ANKFN1: variants seen among roughly 807,000 people sequenced by gnomAD.
ANKFN1 encodes the protein ankyrin repeat and fibronectin type-III domain-containing protein 1.
In ANKFN1, 74 loss-of-function variants were observed where a neutral mutation model predicts 108.7. That is an observed-to-expected ratio of 0.68 (90% confidence interval 0.56 to 0.83). The LOEUF (loss-of-function observed/expected upper bound fraction) is 0.83, where lower values mean the gene tolerates loss of function less well. ANKFN1 is among the 40% of genes least tolerant of loss of function. The pLI, the probability that ANKFN1 is intolerant of heterozygous loss-of-function variation, is 0.00. For missense variants in ANKFN1, 1,505 were observed against 1,382.3 expected (o/e 1.09, Z -1.41); for synonymous variants, 547 against 516.2 (o/e 1.06, Z -0.81).
In ANKFN1 at chr17:56,061,265, C is replaced by CTTTTTTT. The variant is rs71137190; in HGVS notation, c.288+14957_288+14963dup. ...TCTGATTTCTCTGATGGTAGTTTTT[C>CTTTTTTT]TTTTTTTTTTTTTTTTTTTTTTTGA... On this transcript the variant is annotated intron_variant, in intron 4 of 12. Transcript: ENST00000635860. Among the ~76,000 whole-genome samples, 222 of 72,920 alleles carry CTTTTTTT rather than the reference C, an allele frequency of 3.0e-3. 10 individuals are homozygous for CTTTTTTT. The highest frequency in any genetic ancestry group is 0.026 in the Middle Eastern group (1 of 38). The allele number at this position is 72,920 out of a possible 152,430, so 47.8% of individuals were successfully genotyped here.
intron 1 of ANKFN1, among the ~76,000 whole-genome samples, chr17:56,203,023 A>G (rs1365100198): frequency 6.6e-6 from 1 of 152,130 alleles, no homozygotes. Flanking sequence ...TGGTATCTAA[A>G]CTTTCTGTAA....
intron 3 of ANKFN1, 106 bp downstream of exon 3, chr17:56,228,063 A>G: frequency 2.2e-6 from 2 of 910,110 alleles, no homozygotes; most frequent in Non-Finnish European, 1.7e-6. Flanking sequence ...TTTAAAGTCT[A>G]GCTCAGCACA....
chr17:56,460,535 C>T (rs1223381829), intron 14 of ANKFN1, among the ~76,000 whole-genome samples: 1 of 152,114 alleles, frequency 6.6e-6, no homozygotes. Context: ...CTTCCCCACA[C>T]TCTCCTTCAC....
In ANKFN1 at chr17:56,172,070, C is replaced by A. The variant is rs1910740035; in HGVS notation, c.-71+18540C>A. Among the ~76,000 whole-genome samples the A allele has an allele frequency of 1.3e-5, 2 of 152,150 alleles. 1 individual carries two copies. The highest frequency in any genetic ancestry group is 4.2e-4 in the South Asian group (2 of 4,818). On this transcript the variant is annotated intron_variant, in intron 1 of 20. Coordinates refer to ENST00000682825, the MANE Select transcript of ANKFN1 (RefSeq NM_001370326.1). Reference sequence around the variant, plus strand: ...AGGCTTACCATGTTCTTGTTATATACATGAATGACTAATATAGTTTATTTT... The same window carrying A: ...AGGCTTACCATGTTCTTGTTATATAAATGAATGACTAATATAGTTTATTTT...
At chr17:56,137,747 G>A (rs1907681437) in intron 4 of ANKFN1, among the ~76,000 whole-genome samples, 1 of 152,076 alleles carries the variant, frequency 6.6e-6, no homozygotes, top group South Asian at 2.1e-4. Flanking sequence ...GCCAGATAGT[G>A]TTTAAGGATG....
At chr17:56,306,997 A>C (rs2144406806) in intron 3 of ANKFN1, among the ~76,000 whole-genome samples, 1 of 152,352 alleles carries the variant, frequency 6.6e-6, no homozygotes, top group East Asian at 1.9e-4. Context: ...CTATTTAATA[A>C]ATGGTGCTGG....
intron 4 of ANKFN1, among the ~76,000 whole-genome samples, chr17:56,336,821 A>AT (rs1244489677): frequency 3.9e-5 from 6 of 152,004 alleles, no homozygotes. Flanking sequence ...TAGGGTGTCG[A>AT]TTTTAGATCT....
At position 56,085,256 on chromosome 17, in the gene ANKFN1, A is replaced by G. The variant is rs983196735; in HGVS notation, c.288+38931A>G. Among the ~76,000 whole-genome samples, 11 of 149,860 alleles carry G rather than the reference A, an allele frequency of 7.3e-5. 2 individuals are homozygous for G. The highest frequency in any genetic ancestry group is 2.7e-4 in the African/African-American group (11 of 40,594). On this transcript the variant is annotated intron_variant, in intron 4 of 12. Transcript: ENST00000635860. ...CCTGTGAATGTGACCTTATTTGAAA[A>G]AAGGCTCTTTGCAGATATAACTAAG...
At chr17:56,358,870 G>A (rs1457382436) in intron 6 of ANKFN1, among the ~76,000 whole-genome samples, 3 of 152,024 alleles carry the variant, frequency 2.0e-5, no homozygotes, top group Non-Finnish European at 4.4e-5. Flanking sequence ...GTATATAAAA[G>A]CCCCCAGTCA....
At position 56,510,562 on chromosome 17, in the gene ANKFN1, A is replaced by C. The variant is rs1480712711; in HGVS notation, c.2734A>C (p.Arg912=). The stretch of plus-strand genomic sequence containing the variant: ...CGACTCCAGCGATGCCCTGAGCCCC[A>C]GAGACCTGGACCTGGTCTACCTATC... The part of the protein sequence containing the change: ...DYDSSDALSP[R]DLDLVYLSSH... Residue 912 remains arginine (R), a synonymous_variant, in exon 21 of 21, where the codon AGA becomes CGA. Transcript: ENST00000682825. 1 of 1,536,126 alleles carries C rather than the reference A, an allele frequency of 6.5e-7. No individual in the cohort carries two copies. The highest frequency in any genetic ancestry group is 1.2e-5 in the South Asian group (1 of 84,064).
intron 4 of ANKFN1, among the ~76,000 whole-genome samples, chr17:56,146,485 G>C (rs376658278): frequency 1.3e-5 from 2 of 152,164 alleles, no homozygotes; most frequent in African/African-American, 4.8e-5. Context: ...GGACATCCAG[G>C]CATTTCCACC....
At chr17:56,327,270 A>G (rs2045544894) in intron 4 of ANKFN1, among the ~76,000 whole-genome samples, 1 of 151,990 alleles carries the variant, frequency 6.6e-6, no homozygotes, top group Admixed American at 6.6e-5. Context: ...CGCCCCCACC[A>G]GTCTCCTTAG....
At chr17:56,327,366 GA>G (rs1483124255) in intron 4 of ANKFN1, among the ~76,000 whole-genome samples, 1 of 152,034 alleles carries the variant, frequency 6.6e-6, no homozygotes, top group Non-Finnish European at 1.5e-5. Flanking sequence ...GTGTCATATA[GA>G]GTTTAATGTC....
intron 4 of ANKFN1, among the ~76,000 whole-genome samples, chr17:56,080,222 T>C (rs1397341093): frequency 6.6e-6 from 1 of 152,218 alleles, no homozygotes; most frequent in African/African-American, 2.4e-5. Flanking sequence ...AGAGAGCAAT[T>C]AACAGTACCT....
At chr17:56,071,782 AT>A (rs1905123806) in intron 4 of ANKFN1, among the ~76,000 whole-genome samples, 1 of 152,236 alleles carries the variant, frequency 6.6e-6, no homozygotes, top group Non-Finnish European at 1.5e-5. Context: ...ACAAGGACAT[AT>A]CCCAGTGCTT....
chr17:56,181,135 T>C (rs1270944830), intron 1 of ANKFN1, among the ~76,000 whole-genome samples: 2 of 152,194 alleles, frequency 1.3e-5, no homozygotes, highest in Non-Finnish European at 2.9e-5. Flanking sequence ...ATTAGAAAAG[T>C]AATGTTAATT....
intron 10 of ANKFN1, among the ~76,000 whole-genome samples, chr17:56,444,161 A>T (rs1386777162): frequency 3.3e-5 from 5 of 152,040 alleles, no homozygotes; most frequent in Admixed American, 6.6e-5. Context: ...CTATCTTTAT[A>T]TCAGTAACTA....
intron 15 of ANKFN1, among the ~76,000 whole-genome samples, chr17:56,476,444 C>T (rs2050503099): frequency 6.6e-6 from 1 of 152,194 alleles, no homozygotes; most frequent in African/African-American, 2.4e-5. Context: ...TTGGTTGACA[C>T]TTACTATTGA....
At chr17:56,158,823 C>T (rs1398182171) in intron 1 of ANKFN1, among the ~76,000 whole-genome samples, 2 of 151,946 alleles carry the variant, frequency 1.3e-5, no homozygotes, top group African/African-American at 4.8e-5. Context: ...TGAAAAGCTA[C>T]AGAAAAGGAA....
Sources: gnomAD v4.1 joint callset for allele counts (sites outside exome capture counted in the v4.1 genomes callset) on GRCh38, gnomAD v4.1.1 for gene constraint, MANE v1.5 for transcripts, NCBI Gene and HGNC (gene_info 2026-07-23, HGNC 2026-07-21) for gene names.